SYNE2: variants seen among roughly 807,000 people sequenced by gnomAD.
The protein encoded by SYNE2 is spectrin repeat containing nuclear envelope protein 2.
A neutral mutation model predicts 856.3 loss-of-function variants in SYNE2; 431 were observed. The ratio of observed to expected loss-of-function variants is 0.50; its 90% CI spans 0.47 to 0.55. SYNE2 has a LOEUF of 0.55. Among genes scored for constraint, SYNE2 ranks in the 20% least tolerant of loss-of-function variants. SYNE2 has a pLI of 0.00. For synonymous variants in SYNE2, 2,923 were observed against 2,872.3 expected (o/e 1.02, Z -0.56); for missense variants, 8,129 against 8,023.2 (o/e 1.01, Z -0.50).
intron 98 of SYNE2, 105 bp from the exon 99 acceptor site, chr14:64,189,963 AATT>A (rs2139614427): frequency 1.0e-6 from 1 of 981,838 alleles, no homozygotes; most frequent in East Asian, 2.8e-5. Context: ...ATGCCTGGCC[AATT>A]TTTTTTTTTT....
intron 60 of SYNE2, among the ~76,000 whole-genome samples, chr14:64,091,949 A>G (rs1238719810): frequency 6.6e-6 from 1 of 151,840 alleles, no homozygotes; most frequent in Non-Finnish European, 1.5e-5. Context: ...TTTGGTGGCC[A>G]CTCTGTTCTC....
intron 1 of SYNE2, among the ~76,000 whole-genome samples, chr14:63,883,369 T>C (rs1368895507): frequency 6.6e-6 from 1 of 151,978 alleles, no homozygotes. Flanking sequence ...TATTTATTCA[T>C]TTATTAAAGT....
At chr14:63,821,858 T>C (rs1889229018) in intron 1 of SYNE2, among the ~76,000 whole-genome samples, 1 of 151,754 alleles carries the variant, frequency 6.6e-6, no homozygotes, top group South Asian at 2.1e-4. Flanking sequence ...CATTAGAAAT[T>C]AACCAAAAAC....
chr14:63,863,917 C>G (rs1476563257), intron 1 of SYNE2, among the ~76,000 whole-genome samples: 1 of 152,096 alleles, frequency 6.6e-6, no homozygotes, highest in South Asian at 2.1e-4. Context: ...CTCCACCTCC[C>G]GGGTTCAAGC....
intron 67 of SYNE2, among the ~76,000 whole-genome samples, chr14:64,120,439 A>G (rs143226793): frequency 6.6e-6 from 1 of 152,352 alleles, no homozygotes; most frequent in Non-Finnish European, 1.5e-5. Flanking sequence ...CAAATGTAGT[A>G]GTTTTTGAAG....
At chr14:63,778,417 T>G (rs1339948011) in intron 1 of SYNE2, among the ~76,000 whole-genome samples, 1 of 152,194 alleles carries the variant, frequency 6.6e-6, no homozygotes, top group African/African-American at 2.4e-5. Flanking sequence ...ATTAGCTTGA[T>G]TGTGGTATTC....
At chr14:64,222,729 AAAAT>A (rs1229946448) in intron 112 of SYNE2, among the ~76,000 whole-genome samples, 6 of 152,122 alleles carry the variant, frequency 3.9e-5, no homozygotes. Flanking sequence ...CCACCTCAAA[AAAAT>A]AAATAAATGA....
chr14:63,976,879 A>T, intron 12 of SYNE2, 152 bp downstream of exon 12: 2 of 778,122 alleles, frequency 2.6e-6, no homozygotes, highest in Non-Finnish European at 4.2e-6. Flanking sequence ...GGGACCTAGA[A>T]TGTAACTTTA....
In SYNE2 at chr14:63,864,822, C is replaced by G. The variant is rs1894783639; in HGVS notation, c.-52+11679C>G. Among the ~76,000 whole-genome samples, 4 of 152,106 alleles carry G rather than the reference C, an allele frequency of 2.6e-5. No homozygotes were observed. In the South Asian group the frequency reaches 8.3e-4, roughly 32 times the overall value. On this transcript the variant is annotated intron_variant, in intron 1 of 115. Coordinates refer to ENST00000555002, the MANE Select transcript of SYNE2 (RefSeq NM_182914.3). ...TTTATGCCCCTGGACTAGAGCAGAA[C>G]CAAAAGGACCTCCATGTGCTGATAG... is the stretch of plus-strand genomic sequence containing the variant.
intron 2 of SYNE2, among the ~76,000 whole-genome samples, chr14:63,938,454 C>T (rs763710951): frequency 6.6e-6 from 1 of 152,038 alleles, no homozygotes; most frequent in African/African-American, 2.4e-5. Flanking sequence ...TTAGAAAGTA[C>T]TAAGAATTAG....
At chr14:63,781,439 G>A (rs1887303861) in intron 1 of SYNE2, among the ~76,000 whole-genome samples, 1 of 151,838 alleles carries the variant, frequency 6.6e-6, no homozygotes, top group African/African-American at 2.4e-5. Flanking sequence ...TTCTAGGTTT[G>A]CGCAAATAAA....
Position 63,937,061 on chromosome 14 carries a change from G to A in SYNE2, c.80-3553G>A, listed in dbSNP as rs2095842966. Among the ~76,000 whole-genome samples, 3 of 152,292 alleles carry A rather than the reference G, an allele frequency of 2.0e-5. No individual in the cohort carries two copies. The South Asian group carries it at 6.2e-4, about 32-fold the overall frequency. On this transcript the variant is annotated intron_variant, in intron 2 of 115. Coordinates refer to ENST00000555002, the MANE Select transcript of SYNE2 (RefSeq NM_182914.3). ...TCATCTATATCAGATGCTGCTGATG[G>A]GTCCAGCAGGATGAAGGTTGAGAAT...
intron 1 of SYNE2, among the ~76,000 whole-genome samples, chr14:63,867,172 A>G (rs1323124639): frequency 6.6e-6 from 1 of 152,182 alleles, no homozygotes; most frequent in Non-Finnish European, 1.5e-5. Flanking sequence ...TCCAAAGCCC[A>G]TGTCCTTAAA....
chr14:63,864,795 T>TAGGCA (rs2140246619), intron 1 of SYNE2, among the ~76,000 whole-genome samples: 1 of 152,330 alleles, frequency 6.6e-6, no homozygotes, highest in African/African-American at 2.4e-5. Context: ...TGAGTCTGCC[T>TAGGCA]GTTTATGCCC....
At chr14:63,878,181 C>A (rs1157665579) in intron 1 of SYNE2, among the ~76,000 whole-genome samples, 1 of 152,032 alleles carries the variant, frequency 6.6e-6, no homozygotes, top group Non-Finnish European at 1.5e-5. Context: ...GCCATCACAC[C>A]CAGCCTAACA....
At chr14:63,792,783 G>T (rs1887781462) in intron 1 of SYNE2, among the ~76,000 whole-genome samples, 1 of 151,876 alleles carries the variant, frequency 6.6e-6, no homozygotes, top group South Asian at 2.1e-4. Flanking sequence ...GTGATCACCT[G>T]ATCGTCCCAC....
intron 8 of SYNE2, chr14:63,960,596 A>G (rs1368810875): frequency 1.7e-6 from 1 of 581,498 alleles, no homozygotes. Context: ...ATTAATAAAT[A>G]AACAGTGAAG....
chr14:63,766,764 C>T (rs1198450937), intron 1 of SYNE2, among the ~76,000 whole-genome samples: 1 of 152,194 alleles, frequency 6.6e-6, no homozygotes, highest in African/African-American at 2.4e-5. Flanking sequence ...CACTCCCCTT[C>T]CCTCTAAAGA....
intron 1 of SYNE2, among the ~76,000 whole-genome samples, chr14:63,893,145 C>G (rs2095173985): frequency 6.6e-6 from 1 of 151,982 alleles, no homozygotes; most frequent in African/African-American, 2.4e-5. Flanking sequence ...ACAACAGACA[C>G]CCATTCTTCA....
Sources: gnomAD v4.1 joint callset for allele counts (sites outside exome capture counted in the v4.1 genomes callset) on GRCh38, gnomAD v4.1.1 for gene constraint, MANE v1.5 for transcripts, NCBI Gene and HGNC (gene_info 2026-07-23, HGNC 2026-07-21) for gene names.